Variants in UAP1 observed in about 807,000 individuals in gnomAD.
UAP1 encodes the protein UDP-N-acetylhexosamine pyrophosphorylase.
UAP1 carries 25 observed loss-of-function variants against 58.5 expected under a neutral mutation model. The ratio of observed to expected loss-of-function variants is 0.43; its 90% CI spans 0.31 to 0.60. UAP1 has a LOEUF of 0.60. UAP1 is among the 20% of genes least tolerant of loss of function. The pLI is 0.11. For missense variants in UAP1, 575 were observed against 630.0 expected (o/e 0.91, Z 0.93); for synonymous variants, 208 against 213.0 (o/e 0.98, Z 0.21).
intron 5 of UAP1, among the ~76,000 whole-genome samples, chr1:162,583,146 C>CTTTTTTTTTTTTTTTTTTT (rs11376471): frequency 1.5e-5 from 1 of 68,044 alleles, no homozygotes; most frequent in Non-Finnish European, 2.5e-5. Context: ...TGGTGTCACT[C>CTTTTTTTTTTTTTTTTTTT]TTTTTTTTTT....
chr1:162,582,475 G>C (rs1050927175), intron 5 of UAP1, among the ~76,000 whole-genome samples: 7 of 152,096 alleles, frequency 4.6e-5, no homozygotes, highest in Non-Finnish European at 1.0e-4. Context: ...TGTATAAGAA[G>C]AACACATTTT....
chr1:162,592,816 A>G (rs977597751), intron 9 of UAP1, 34 bp downstream of exon 9: 7 of 1,524,278 alleles, frequency 4.6e-6, no homozygotes, highest in Admixed American at 2.0e-5. Context: ...GTGCATGGTG[A>G]TGGGGCTGTG....
At chr1:162,597,536 TA>T (rs1272045931) in intron 9 of UAP1, 2 of 426,722 alleles carry the variant, frequency 4.7e-6, no homozygotes, top group Admixed American at 8.1e-5. Flanking sequence ...GGACAGTGTG[TA>T]AAAACTAGTG....
intron 5 of UAP1, among the ~76,000 whole-genome samples, chr1:162,584,057 A>G (rs1486893679): frequency 2.0e-5 from 3 of 152,236 alleles, no homozygotes; most frequent in Non-Finnish European, 2.9e-5. Flanking sequence ...TTATAGAACC[A>G]TACTCTTCAG....
At chr1:162,566,288 C>G (rs1447119579) in exon 2 of UAP1, 13 of 1,614,018 alleles carry the variant, frequency 8.1e-6, no homozygotes, top group Non-Finnish European at 1.1e-5. Flanking sequence ...ACCTGTGCCT[C>G]GAGAGGTATT....
At chr1:162,572,097 G>A (rs1264890709) in intron 2 of UAP1, among the ~76,000 whole-genome samples, 3 of 152,174 alleles carry the variant, frequency 2.0e-5, no homozygotes, top group African/African-American at 7.2e-5. Flanking sequence ...GATGTAAATG[G>A]ATATCTACCT....
chr1:162,566,493 T>G (rs1653516742), intron 2 of UAP1, 145 bp downstream of exon 2: 1 of 816,504 alleles, frequency 1.2e-6, no homozygotes, highest in Non-Finnish European at 1.9e-6. Flanking sequence ...TGTCTTTTTA[T>G]TTTTGATGCT....
intron 5 of UAP1, among the ~76,000 whole-genome samples, chr1:162,584,061 T>G (rs961531583): frequency 6.6e-6 from 1 of 152,252 alleles, no homozygotes; most frequent in Non-Finnish European, 1.5e-5. Flanking sequence ...AGAACCATAC[T>G]CTTCAGATTA....
exon 6 of UAP1, chr1:162,587,543 G>A (rs772218827): frequency 1.2e-6 from 2 of 1,613,918 alleles, no homozygotes; most frequent in Non-Finnish European, 1.7e-6. Flanking sequence ...TTTACCAGGT[G>A]GTAGAATATA....
chr1:162,597,283 A>C (rs1456634266), intron 9 of UAP1: 1 of 152,236 alleles, frequency 6.6e-6, no homozygotes, highest in Non-Finnish European at 1.5e-5. Context: ...ATTTTAAATT[A>C]GTTTTAAAAA....
At chr1:162,565,131 C>T (rs1653407433) in intron 1 of UAP1, among the ~76,000 whole-genome samples, 1 of 152,122 alleles carries the variant, frequency 6.6e-6, no homozygotes, top group Admixed American at 6.5e-5. Context: ...CAGGTGTGAG[C>T]TACCATGCCT....
rs185603337 is a variant in UAP1, at chr1:162,594,397, A to G, written c.1409+1615A>G. On this transcript the variant is annotated intron_variant, in intron 9 of 10. Transcript: ENST00000271469. Reference sequence around the variant, plus strand: ...TCAGGCAGTAATGTGAGTGGTGGGGAGCATCTGTAAATACAGATGAAGCTT... The same window carrying G: ...TCAGGCAGTAATGTGAGTGGTGGGGGGCATCTGTAAATACAGATGAAGCTT... Among the ~76,000 whole-genome samples, 1,410 of 152,244 alleles carry G rather than the reference A, an allele frequency of 9.3e-3. 10 individuals carry two copies. Among genetic ancestry groups the G allele is most frequent in the Non-Finnish European group, 0.016 (1,073 of 68,006 alleles).
At chr1:162,590,675 A>G (rs1655248239) in intron 8 of UAP1, among the ~76,000 whole-genome samples, 164 bp downstream of exon 8, 1 of 152,176 alleles carries the variant, frequency 6.6e-6, no homozygotes, top group African/African-American at 2.4e-5. Context: ...TGCCTATTAT[A>G]AAGAGAATGA....
chr1:162,588,575 C>A, intron 6 of UAP1, 118 bp from the exon 7 acceptor site: 3 of 1,005,416 alleles, frequency 3.0e-6, no homozygotes, highest in Non-Finnish European at 4.3e-6. Flanking sequence ...AACTTAAATG[C>A]TCTTCACTTT....
At chr1:162,581,496 GTCTTGC>G (rs1263788342) in intron 5 of UAP1, 37 bp downstream of exon 5, 1 of 1,589,908 alleles carries the variant, frequency 6.3e-7, no homozygotes, top group African/African-American at 1.3e-5. Flanking sequence ...GCTTTTGATG[GTCTTGC>G]TCTGTCATAT....
chr1:162,595,546 A>C (rs981446312), intron 9 of UAP1, among the ~76,000 whole-genome samples: 1 of 152,068 alleles, frequency 6.6e-6, no homozygotes, highest in Non-Finnish European at 1.5e-5. Context: ...GTGCCCCACT[A>C]TGCCTCCTCT....
At chr1:162,567,877 A>G (rs922070921) in intron 2 of UAP1, among the ~76,000 whole-genome samples, 1 of 152,022 alleles carries the variant, frequency 6.6e-6, no homozygotes, top group Admixed American at 6.6e-5. Flanking sequence ...ACTCACTGCA[A>G]CTTCGCCTCT....
intron 4 of UAP1, 86 bp from the exon 5 acceptor site, chr1:162,581,201 G>T: frequency 2.1e-6 from 3 of 1,432,754 alleles, no homozygotes; most frequent in South Asian, 1.6e-5. Context: ...GTTTTTTAGG[G>T]ATCTTAACCC....
rs1655471731 is a variant in UAP1 at position 162,593,860 on chromosome 1, AGT to A, written c.1409+1081_1409+1082del. 3 of 152,160 alleles carry A rather than the reference AGT, an allele frequency of 2.0e-5. No individual in the cohort carries two copies. The South Asian group carries it at 6.2e-4, about 32-fold the overall frequency. 9.4% of individuals were successfully genotyped at this position (152,160 alleles called of 1,614,324 possible). The stretch of plus-strand genomic sequence containing the variant: ...TCAGAAATAGAGTAGCACCTTCATC[AGT>A]GTCACCCACGTGCTTTTTCCTGTCT... On this transcript the variant is annotated intron_variant, in intron 9 of 10. Coordinates refer to ENST00000271469, the Ensembl canonical transcript of UAP1.
Sources: allele counts gnomAD v4.1 joint callset (sites outside exome capture counted in the v4.1 genomes callset), GRCh38; gene constraint gnomAD v4.1.1; transcripts MANE v1.5; gene names NCBI Gene and HGNC (gene_info 2026-07-23, HGNC 2026-07-21).